DNER: variants seen among roughly 807,000 people sequenced by gnomAD.
DNER encodes the protein delta/notch like EGF repeat containing.
DNER carries 33 observed loss-of-function variants against 78.2 expected under a neutral mutation model. The ratio of observed to expected loss-of-function variants is 0.42; its 90% CI spans 0.32 to 0.56. The LOEUF is 0.56. Among genes scored for constraint, DNER ranks in the 20% least tolerant of loss-of-function variants. The pLI, the probability that DNER is intolerant of heterozygous loss-of-function variation, is 0.11. For synonymous variants in DNER, 417 were observed against 384.8 expected (o/e 1.08, Z -0.98); for missense variants, 918 against 975.3 (o/e 0.94, Z 0.78).
At chr2:229,508,267 T>C (rs1410085970) in intron 6 of DNER, among the ~76,000 whole-genome samples, 2 of 152,214 alleles carry the variant, frequency 1.3e-5, no homozygotes, top group Non-Finnish European at 2.9e-5. Flanking sequence ...TGATATGACC[T>C]CCTATAATTG....
intron 6 of DNER, among the ~76,000 whole-genome samples, chr2:229,499,287 A>G (rs1695563609): frequency 6.6e-6 from 1 of 151,922 alleles, no homozygotes; most frequent in Non-Finnish European, 1.5e-5. Context: ...CTCTAATAAA[A>G]TTGAAAAATT....
chr2:229,366,818 T>C, intron 12 of DNER, 55 bp downstream of exon 12: 3 of 1,607,024 alleles, frequency 1.9e-6, no homozygotes, highest in South Asian at 2.2e-5. Flanking sequence ...TATGACCCTG[T>C]TCCCAAGAAT....
chr2:229,544,292 C>T (rs754480288), intron 5 of DNER, among the ~76,000 whole-genome samples: 4 of 152,144 alleles, frequency 2.6e-5, no homozygotes, highest in Non-Finnish European at 2.9e-5. Context: ...GCTTGGCCTC[C>T]TGGAAGGAGC....
At chr2:229,658,873 T>G (rs1341491196) in intron 1 of DNER, among the ~76,000 whole-genome samples, 1 of 152,186 alleles carries the variant, frequency 6.6e-6, no homozygotes, top group Non-Finnish European at 1.5e-5. Context: ...ACACTCATCA[T>G]ATAAAAATAA....
At chr2:229,608,831 G>C (rs1179561790) in intron 1 of DNER, among the ~76,000 whole-genome samples, 3 of 152,186 alleles carry the variant, frequency 2.0e-5, no homozygotes, top group Admixed American at 6.5e-5. Flanking sequence ...CAATATGGCA[G>C]AATGATGTTT....
intron 5 of DNER, among the ~76,000 whole-genome samples, chr2:229,513,161 C>T (rs1379689404): frequency 1.3e-5 from 2 of 152,164 alleles, no homozygotes; most frequent in Non-Finnish European, 2.9e-5. Flanking sequence ...TATTTATCCC[C>T]GTCATTTTCG....
chr2:229,476,131 G>A (rs1695030426), intron 7 of DNER, among the ~76,000 whole-genome samples: 1 of 152,166 alleles, frequency 6.6e-6, no homozygotes, highest in Non-Finnish European at 1.5e-5. Context: ...AGGGATGGCT[G>A]GGTGGGCCAC....
intron 1 of DNER, among the ~76,000 whole-genome samples, chr2:229,705,639 C>G (rs1182604704): frequency 6.6e-6 from 1 of 152,130 alleles, no homozygotes; most frequent in Admixed American, 6.5e-5. Context: ...TGCCTGGGCT[C>G]AGATCCCCAA....
rs767334705 is a variant in DNER, at chr2:229,366,900, T to A, written c.2075A>T (p.Asn692Ile). Residue 692 changes from asparagine (N) to isoleucine (I), a missense_variant, in exon 12 of 13, where the codon AAT (asparagine) becomes ATT (isoleucine). Asn to Ile is a moderately radical substitution (Grantham distance 149, BLOSUM62 -3). Transcript: ENST00000341772. ...GGCATGCCGGATGGATGCAATGGCA[T>A]TGCTGAACTCGCTGTCGATGCTGCG... ...NCRSIDSEFS[N>I]AIASIRHARF... 6.2e-7 allele frequency: 1 copy of A among 1,614,190 alleles called. No homozygotes were observed. Among genetic ancestry groups the A allele is most frequent in the Non-Finnish European group, 8.5e-7 (1 of 1,180,026 alleles).
intron 2 of DNER, among the ~76,000 whole-genome samples, chr2:229,590,044 ATT>A (rs10532742): frequency 0.27 from 40,925 of 151,122 alleles, 5,871 homozygotes; most frequent in Admixed American, 0.32. Flanking sequence ...GCAAAAATCT[ATT>A]TTTTTTTTTT....
At chr2:229,606,171 C>T (rs1022698457) in intron 1 of DNER, 1 of 152,166 alleles carries the variant, frequency 6.6e-6, no homozygotes, top group African/African-American at 2.4e-5. Flanking sequence ...CTGCATTGAC[C>T]ACACAGCCTA....
At chr2:229,363,274 C>A (rs1206630068) in intron 12 of DNER, among the ~76,000 whole-genome samples, 1 of 152,254 alleles carries the variant, frequency 6.6e-6, no homozygotes, top group Non-Finnish European at 1.5e-5. Context: ...GTGTGACCCA[C>A]TCCATGTGCC....
At chr2:229,551,379 A>G (rs563875898) in intron 4 of DNER, among the ~76,000 whole-genome samples, 19,215 of 152,258 alleles carry the variant, frequency 0.13, 1,379 homozygotes, top group Middle Eastern at 0.21. Flanking sequence ...CACGCCTGTA[A>G]TCTCAGCACT....
intron 1 of DNER, among the ~76,000 whole-genome samples, chr2:229,713,849 G>A (rs1438617129): frequency 6.6e-6 from 1 of 152,132 alleles, no homozygotes; most frequent in African/African-American, 2.4e-5. Context: ...GGCCTGGAGG[G>A]GCGCGCCACT....
At position 229,366,983 on chromosome 2, in the gene DNER, G is replaced by C. The variant is rs546911349; in HGVS notation, c.1992C>G (p.Ile664Met). Residue 664 changes from isoleucine (I) to methionine (M), a missense_variant, in exon 12 of 13, where the codon ATC becomes ATG. Ile to Met is a conservative substitution (Grantham distance 10). Transcript: ENST00000341772. The stretch of plus-strand genomic sequence containing the variant: ...AAGAACCCTGGTATTCAATGCGGCT[G>C]ATGCGGCAAATCCCCACGATCAGGA... ...LIILIVGICR[I>M]SRIEYQGSSR... 3 of 1,614,160 alleles carry C rather than the reference G, an allele frequency of 1.9e-6. No individual in the cohort carries two copies. The highest frequency in any genetic ancestry group is 2.5e-6 in the Non-Finnish European group (3 of 1,180,010).
intron 6 of DNER, among the ~76,000 whole-genome samples, chr2:229,489,276 A>G (rs1695343439): frequency 6.6e-6 from 1 of 152,240 alleles, no homozygotes; most frequent in South Asian, 2.1e-4. Flanking sequence ...AGGAAGAGCC[A>G]GGGCAGATGG....
chr2:229,665,181 C>T (rs1327055125), intron 1 of DNER, among the ~76,000 whole-genome samples: 2 of 152,140 alleles, frequency 1.3e-5, no homozygotes, highest in Non-Finnish European at 2.9e-5. Flanking sequence ...AAAAAGCCAT[C>T]ACAAGAAGAC....
At chr2:229,651,399 T>C (rs912002277) in intron 1 of DNER, among the ~76,000 whole-genome samples, 15 of 152,264 alleles carry the variant, frequency 9.9e-5, no homozygotes, top group African/African-American at 3.6e-4. Flanking sequence ...CCTATGGTTC[T>C]CAGAGGACAC....
chr2:229,643,207 C>A (rs1365551534), intron 1 of DNER, among the ~76,000 whole-genome samples: 2 of 151,968 alleles, frequency 1.3e-5, no homozygotes, highest in African/African-American at 2.4e-5. Context: ...AGAGAGTGAG[C>A]CCCTGTCTCA....
Sources: gnomAD v4.1 joint callset for allele counts (sites outside exome capture counted in the v4.1 genomes callset) on GRCh38, gnomAD v4.1.1 for gene constraint, MANE v1.5 for transcripts, NCBI Gene and HGNC (gene_info 2026-07-23, HGNC 2026-07-21) for gene names.